PRRX1: variants seen among roughly 807,000 people sequenced by gnomAD.
PRRX1 encodes the protein paired related homeobox 1.
In PRRX1, 8 loss-of-function variants were observed where a neutral mutation model predicts 24.0. The observed-to-expected ratio is 0.33, with a 90% CI of 0.20 to 0.60. The LOEUF (loss-of-function observed/expected upper bound fraction) is 0.60, where lower values mean the gene tolerates loss of function less well. Ranked by LOEUF, PRRX1 falls within the 20% of genes least tolerant of loss-of-function variation. The pLI is 0.82. For missense variants in PRRX1, 281 were observed against 322.4 expected, an observed-to-expected ratio of 0.87 and a Z score of 0.98; for synonymous variants, 160 against 131.7, an observed-to-expected ratio of 1.22 and a Z score of -1.47.
In PRRX1 at chr1:170,738,100, T is replaced by C. The variant is rs1299937668; in HGVS notation, c.*1914T>C. On this transcript the variant is annotated 3_prime_UTR_variant, in exon 4 of 4. Coordinates refer to ENST00000239461, the MANE Select transcript of PRRX1 (RefSeq NM_022716.4). ...ATTTAAGACACATAGAACAGATTTT[T>C]TTAATTTATATTTTCATCCTGACCA... The C allele has an allele frequency of 4.6e-6, 1 of 216,846 alleles. No homozygotes were observed. The highest frequency in any genetic ancestry group is 2.2e-5 in the African/African-American group (1 of 44,478). 13.4% of individuals were successfully genotyped at this position (216,846 alleles called of 1,614,324 possible). A position where few individuals can be genotyped will look rare whatever the true frequency, so the allele number is the denominator to read the frequency against.
At chr1:170,726,180 C>G (rs755881826) in intron 2 of PRRX1, 40 bp from the exon 3 acceptor site, 12 of 1,581,324 alleles carry the variant, frequency 7.6e-6, no homozygotes, top group Non-Finnish European at 1.0e-5. Flanking sequence ...TGTTTTTCCT[C>G]TCTTTCCTTA....
intron 1 of PRRX1, among the ~76,000 whole-genome samples, chr1:170,665,111 G>T (rs941480438): frequency 3.9e-5 from 6 of 152,228 alleles, no homozygotes; most frequent in African/African-American, 1.4e-4. Flanking sequence ...CAAAAGCCCG[G>T]CTGGCTTGGG....
intron 1 of PRRX1, among the ~76,000 whole-genome samples, chr1:170,672,744 A>C (rs1653181909): frequency 6.6e-6 from 1 of 152,210 alleles, no homozygotes; most frequent in Non-Finnish European, 1.5e-5. Context: ...AGCACTTCAG[A>C]TATATACAGA....
chr1:170,705,442 C>T (rs1225720692), intron 1 of PRRX1, among the ~76,000 whole-genome samples: 1 of 152,028 alleles, frequency 6.6e-6, no homozygotes, highest in Admixed American at 6.6e-5. Flanking sequence ...GCTACCACAC[C>T]CAGCTAATTT....
chr1:170,707,399 G>T (rs183184267), intron 1 of PRRX1, among the ~76,000 whole-genome samples: 13 of 151,940 alleles, frequency 8.6e-5, no homozygotes, highest in Middle Eastern at 3.4e-3. Context: ...TAACTCTCTT[G>T]TTGGCCAGAT....
At chr1:170,686,948 A>T (rs1653764427) in intron 1 of PRRX1, among the ~76,000 whole-genome samples, 2 of 152,154 alleles carry the variant, frequency 1.3e-5, no homozygotes, top group Non-Finnish European at 2.9e-5. Flanking sequence ...ACAAGAATTG[A>T]CTGGACGCTT....
chr1:170,684,005 A>G (rs978528842), intron 1 of PRRX1, among the ~76,000 whole-genome samples: 8 of 152,196 alleles, frequency 5.3e-5, no homozygotes, highest in Admixed American at 2.0e-4. Flanking sequence ...GCATCATGCC[A>G]AGCACTTTGG....
At chr1:170,696,979 G>C (rs528280729) in intron 1 of PRRX1, among the ~76,000 whole-genome samples, 1 of 152,274 alleles carries the variant, frequency 6.6e-6, no homozygotes, top group African/African-American at 2.4e-5. Context: ...ATTTTTGGAG[G>C]AGGTCATCTA....
intron 1 of PRRX1, among the ~76,000 whole-genome samples, chr1:170,704,240 T>C (rs1301258936): frequency 6.6e-6 from 1 of 152,230 alleles, no homozygotes; most frequent in Non-Finnish European, 1.5e-5. Flanking sequence ...TGTTTTATGA[T>C]CTTTGAAAGA....
Position 170,666,417 on chromosome 1 carries a change from C to CAAAAAAAAAAA in PRRX1, c.241+1971_241+1981dup, listed in dbSNP as rs35075394. 9.0e-4 allele frequency among the ~76,000 whole-genome samples: 68 copies of CAAAAAAAAAAA among 75,940 alleles called. 1 individual carries two copies. The highest frequency in any genetic ancestry group is 3.5e-3 in the African/African-American group (67 of 19,052). The allele number at this position is 75,940 out of a possible 152,430, so 49.8% of individuals were successfully genotyped here. ...TGGATGACAGAGTGAGACTCCGTCT[C>CAAAAAAAAAAA]AAAAAAAAAAAAAAAAAAAAAAAGT... On this transcript the variant is annotated intron_variant, in intron 1 of 3. Coordinates refer to ENST00000239461, the MANE Select transcript of PRRX1 (RefSeq NM_022716.4).
chr1:170,664,085 CT>C, upstream of PRRX1: 2 of 839,190 alleles, frequency 2.4e-6, no homozygotes, highest in Non-Finnish European at 1.7e-6. Context: ...CTCCCTCTTC[CT>C]CCCTCTCTCT....
chr1:170,676,946 G>A (rs1653341617), intron 1 of PRRX1, among the ~76,000 whole-genome samples: 1 of 152,188 alleles, frequency 6.6e-6, no homozygotes, highest in Non-Finnish European at 1.5e-5. Flanking sequence ...AACACAGCAG[G>A]TTGGAAAGAG....
chr1:170,702,780 G>A (rs1313888306), intron 1 of PRRX1, among the ~76,000 whole-genome samples: 1 of 152,186 alleles, frequency 6.6e-6, no homozygotes, highest in African/African-American at 2.4e-5. Flanking sequence ...CAATAGCAGA[G>A]TGTTTTTAAA....
In PRRX1 at chr1:170,736,967, T is replaced by C. The variant is rs1187310878; in HGVS notation, c.*781T>C. On this transcript the variant is annotated 3_prime_UTR_variant, in exon 4 of 4. Transcript: ENST00000239461. ...TCAATCAATCATCTTAAGTTAAAGA[T>C]ATTTGTTGTCTTTGAATGATTTGCT... The C allele has an allele frequency of 5.0e-6, 1 of 198,076 alleles. No homozygotes were observed. Among genetic ancestry groups the C allele is most frequent in the Non-Finnish European group, 1.0e-5 (1 of 95,436 alleles). The allele number at this position is 198,076 out of a possible 1,614,324, so 12.3% of individuals were successfully genotyped here.
intron 2 of PRRX1, among the ~76,000 whole-genome samples, chr1:170,723,029 C>T (rs1018450203): frequency 2.0e-5 from 3 of 152,210 alleles, no homozygotes; most frequent in Admixed American, 2.0e-4. Flanking sequence ...AATTCCTGAA[C>T]AGCCTTAGTT....
chr1:170,710,810 G>T (rs1441660453), intron 1 of PRRX1, among the ~76,000 whole-genome samples: 1 of 152,192 alleles, frequency 6.6e-6, no homozygotes, highest in Non-Finnish European at 1.5e-5. Context: ...GTTGTTTGCA[G>T]GCCAGGAAGC....
intron 1 of PRRX1, among the ~76,000 whole-genome samples, chr1:170,700,666 T>A (rs1654323914): frequency 6.6e-6 from 1 of 152,192 alleles, no homozygotes; most frequent in African/African-American, 2.4e-5. Flanking sequence ...CATTAATGTT[T>A]GTCTCATGCC....
chr1:170,711,544 C>G (rs74123164), intron 1 of PRRX1, among the ~76,000 whole-genome samples: 4,633 of 152,124 alleles, frequency 0.03, 241 homozygotes, highest in African/African-American at 0.1. Context: ...TTTTTAGAAC[C>G]TGTGCTTACC....
chr1:170,726,337 A>G lies in PRRX1; in HGVS notation c.535A>G (p.Ile179Val), dbSNP rs1167505948. ...AGACGTGACTGCTGTGGAGCAGCCCATCGTACCTCGTCCTGCTCCGAGACC... is the reference window on the plus strand; with the variant it reads ...AGACGTGACTGCTGTGGAGCAGCCCGTCGTACCTCGTCCTGCTCCGAGACC... ...SGDVTAVEQP[I>V]VPRPAPRPTD... Residue 179 changes from isoleucine (I) to valine (V), a missense_variant, in exon 3 of 4, where the codon ATC becomes GTC. Coordinates refer to ENST00000239461, the MANE Select transcript of PRRX1 (RefSeq NM_022716.4). 6.2e-6 allele frequency: 10 copies of G among 1,613,938 alleles called. No individual in the cohort carries two copies. Among genetic ancestry groups the G allele is most frequent in the Middle Eastern group, 1.6e-4 (1 of 6,082 alleles).
Sources: gnomAD v4.1 joint callset for allele counts (sites outside exome capture counted in the v4.1 genomes callset) on GRCh38, gnomAD v4.1.1 for gene constraint, MANE v1.5 for transcripts, NCBI Gene and HGNC (gene_info 2026-07-23, HGNC 2026-07-21) for gene names.